Variants in TET1 observed in about 807,000 individuals in gnomAD.
TET1 encodes the protein methylcytosine dioxygenase TET1.
Under a neutral mutation model 148.7 loss-of-function variants are expected in TET1, and 13 were observed. That is an observed-to-expected ratio of 0.09 (90% CI 0.06 to 0.14). TET1 has a LOEUF of 0.14. Among genes scored for constraint, TET1 ranks in the 10% least tolerant of loss-of-function variants. The pLI is 1.00. For missense variants in TET1, 2,182 were observed against 2,553.8 expected (o/e 0.85, Z 3.14); for synonymous variants, 907 against 937.2 (o/e 0.97, Z 0.59).
intron 2 of TET1, among the ~76,000 whole-genome samples, chr10:68,583,173 G>A (rs7896070): frequency 0.49 from 74,814 of 152,004 alleles, 19,028 homozygotes; most frequent in East Asian, 0.56. Context: ...TTATTTTGCT[G>A]CAGGGCTTAA....
intron 2 of TET1, among the ~76,000 whole-genome samples, chr10:68,584,843 C>G (rs1456755082): frequency 6.7e-6 from 1 of 149,788 alleles, no homozygotes; most frequent in African/African-American, 2.5e-5. Context: ...TTTTTTTAGG[C>G]AAAATCTCGC....
chr10:68,657,204 C>G (rs10823244), intron 6 of TET1, among the ~76,000 whole-genome samples: 1 of 151,576 alleles, frequency 6.6e-6, no homozygotes. Flanking sequence ...TGAGAGGGAG[C>G]CTCGCTCTGT....
intron 3 of TET1, among the ~76,000 whole-genome samples, chr10:68,620,328 C>A (rs1158238227): frequency 6.6e-6 from 1 of 152,162 alleles, no homozygotes. Flanking sequence ...CCCAATCCTT[C>A]CATTTACCCC....
At chr10:68,642,250 G>T (rs559415192) in intron 3 of TET1, among the ~76,000 whole-genome samples, 1 of 152,098 alleles carries the variant, frequency 6.6e-6, no homozygotes, top group South Asian at 2.1e-4. Context: ...AACATAGAGA[G>T]ACCCTGTCTC....
At chr10:68,621,574 C>G (rs2054371739) in intron 3 of TET1, among the ~76,000 whole-genome samples, 1 of 151,902 alleles carries the variant, frequency 6.6e-6, no homozygotes, top group African/African-American at 2.4e-5. Context: ...GAGTGAGACT[C>G]CATCTCAAAA....
intron 1 of TET1, among the ~76,000 whole-genome samples, chr10:68,567,569 C>T (rs1408371737): frequency 6.6e-6 from 1 of 151,982 alleles, no homozygotes; most frequent in Non-Finnish European, 1.5e-5. Flanking sequence ...GCTGGGATTA[C>T]AGGCATGAGC....
chr10:68,590,758 C>T (rs2053909661), intron 2 of TET1, among the ~76,000 whole-genome samples: 1 of 152,096 alleles, frequency 6.6e-6, no homozygotes, highest in Non-Finnish European at 1.5e-5. Context: ...CACTAGTGTA[C>T]ACCACCCTGG....
rs1564987859 is a variant in TET1, at chr10:68,644,721, A to T, written c.1992A>T (p.Val664=). The part of the protein sequence containing the change: ...VLKADFDNKP[V]NGPKSESMDY... ...AGGCAGATTTTGACAACAAACCAGT[A>T]AATGGCCCCAAGTCAGAATCCATGG... Residue 664 remains valine (V), a synonymous_variant, in exon 4 of 12, where the codon GTA becomes GTT. Transcript: ENST00000373644. 1 of 1,571,438 alleles carries T rather than the reference A, an allele frequency of 6.4e-7. No homozygotes were observed. The highest frequency in any genetic ancestry group is 8.6e-7 in the Non-Finnish European group (1 of 1,162,082).
chr10:68,607,935 T>C (rs1231296831), intron 3 of TET1, among the ~76,000 whole-genome samples: 1 of 151,016 alleles, frequency 6.6e-6, no homozygotes, highest in African/African-American at 2.4e-5. Context: ...GGTAACAGTG[T>C]CTTTTTTTTT....
intron 11 of TET1, among the ~76,000 whole-genome samples, chr10:68,690,154 A>G (rs2055570160): frequency 6.6e-6 from 1 of 152,202 alleles, no homozygotes; most frequent in Non-Finnish European, 1.5e-5. Flanking sequence ...ATGTGATTGT[A>G]TTACAATACC....
At chr10:68,681,899 T>C (rs2133221663) in intron 9 of TET1, among the ~76,000 whole-genome samples, 1 of 146,278 alleles carries the variant, frequency 6.8e-6, no homozygotes, top group East Asian at 2.1e-4. Context: ...ACCCAGGAGG[T>C]GGAGGTTGCA....
At chr10:68,649,563 G>A (rs1365371058) in intron 4 of TET1, among the ~76,000 whole-genome samples, 3 of 142,090 alleles carry the variant, frequency 2.1e-5, no homozygotes, top group Non-Finnish European at 3.0e-5. Context: ...CCGAGATCAC[G>A]CCACTGCACT....
In TET1 at chr10:68,632,480, G is replaced by A; in HGVS notation, c.1969-12218G>A. ...TGCGCCCGGCATTCAATATTGTATG[G>A]TTCATTAGGATCTGTTGTGGCTGGC... On this transcript the variant is annotated intron_variant, in intron 3 of 11. Transcript: ENST00000373644. 5.0e-6 allele frequency: 8 copies of A among 1,612,876 alleles called. No homozygotes were observed. The East Asian group carries it at 1.6e-4, about 31-fold the overall frequency.
At chr10:68,643,425 A>G (rs1283796222) in intron 3 of TET1, among the ~76,000 whole-genome samples, 1 of 152,174 alleles carries the variant, frequency 6.6e-6, no homozygotes, top group African/African-American at 2.4e-5. Flanking sequence ...ATGGACTACA[A>G]GTATACTTAA....
intron 3 of TET1, among the ~76,000 whole-genome samples, chr10:68,638,209 A>G (rs2054684091): frequency 6.6e-6 from 1 of 152,194 alleles, no homozygotes; most frequent in Non-Finnish European, 1.5e-5. Context: ...AAGTGAATAC[A>G]GTATCTTAAA....
intron 6 of TET1, among the ~76,000 whole-genome samples, chr10:68,656,537 A>AT (rs1271320231): frequency 3.3e-5 from 5 of 152,118 alleles, no homozygotes; most frequent in African/African-American, 4.8e-5. Flanking sequence ...GCTAAAATAG[A>AT]TTTTTTAACA....
intron 2 of TET1, among the ~76,000 whole-genome samples, chr10:68,576,900 C>T (rs866341042): frequency 5.5e-5 from 8 of 144,786 alleles, no homozygotes; most frequent in Admixed American, 4.3e-4. Flanking sequence ...CACCACCATA[C>T]CTGGCTAATT....
chr10:68,608,861 AT>A (rs906217020), intron 3 of TET1, among the ~76,000 whole-genome samples: 67 of 151,960 alleles, frequency 4.4e-4, no homozygotes, highest in Non-Finnish European at 7.7e-4. Context: ...TTAAAAAAAA[AT>A]TTTTTTTAAT....
chr10:68,592,836 G>T lies in TET1; in HGVS notation c.1915-8145G>T, dbSNP rs140694757. ...CTCATCTCATTCTACATTACATCAT[G>T]AATATGTGTTTATTTGTTTGTGTCT... On this transcript the variant is annotated intron_variant, in intron 2 of 11. Transcript: ENST00000373644. Among the ~76,000 whole-genome samples, 629 of 152,156 alleles carry T rather than the reference G, an allele frequency of 4.1e-3. 4 individuals are homozygous for T. Among genetic ancestry groups the T allele is most frequent in the African/African-American group, 0.014 (593 of 41,506 alleles).
Sources: gnomAD v4.1 joint callset for allele counts (sites outside exome capture counted in the v4.1 genomes callset) on GRCh38, gnomAD v4.1.1 for gene constraint, MANE v1.5 for transcripts, NCBI Gene and HGNC (gene_info 2026-07-23, HGNC 2026-07-21) for gene names.